Variants in TFB1M observed in about 807,000 individuals in gnomAD.
The protein encoded by TFB1M is dimethyladenosine transferase 1, mitochondrial.
TFB1M carries 27 observed loss-of-function variants against 31.1 expected under a neutral mutation model. The ratio of observed to expected loss-of-function variants is 0.87; its 90% confidence interval spans 0.64 to 1.20. The LOEUF (loss-of-function observed/expected upper bound fraction) is 1.20, where lower values mean the gene tolerates loss of function less well. TFB1M is among the 50% of genes most tolerant of loss of function. TFB1M has a pLI of 0.00. For missense variants in TFB1M, 394 were observed against 418.7 expected (o/e 0.94, Z 0.51); for synonymous variants, 166 against 151.8 (o/e 1.09, Z -0.69).
At chr6:155,297,679 G>T (rs1053056903) in intron 3 of TFB1M, among the ~76,000 whole-genome samples, 4 of 152,184 alleles carry the variant, frequency 2.6e-5, no homozygotes, top group Non-Finnish European at 4.4e-5. Context: ...GGAGGGGCTG[G>T]TATCAGGGAG....
At chr6:155,275,225 C>CA (rs1583329185) in intron 5 of TFB1M, among the ~76,000 whole-genome samples, 1 of 151,174 alleles carries the variant, frequency 6.6e-6, no homozygotes, top group African/African-American at 2.4e-5. Flanking sequence ...GACTCCATCT[C>CA]AAAAAAAATA....
intron 5 of TFB1M, among the ~76,000 whole-genome samples, chr6:155,268,031 T>C (rs967545030): frequency 6.6e-6 from 1 of 152,234 alleles, no homozygotes; most frequent in Non-Finnish European, 1.5e-5. Context: ...AATTTTGGGT[T>C]CTTTTTACAG....
chr6:155,290,453 A>C (rs1442082377), intron 4 of TFB1M, among the ~76,000 whole-genome samples: 4 of 152,002 alleles, frequency 2.6e-5, no homozygotes, highest in South Asian at 4.2e-4. Context: ...TCTCCCACTG[A>C]AACTTTCACT....
chr6:155,266,499 CA>C (rs1247689913), intron 5 of TFB1M, among the ~76,000 whole-genome samples: 3 of 152,096 alleles, frequency 2.0e-5, no homozygotes, highest in Non-Finnish European at 2.9e-5. Flanking sequence ...TACAGCTCAC[CA>C]GGGGGGATGA....
At chr6:155,252,922 T>C, downstream of TFB1M, 1 of 1,600,338 alleles carries the variant, frequency 6.2e-7, no homozygotes, top group Middle Eastern at 1.7e-4. Flanking sequence ...CCCTAACACT[T>C]TTCTTGGTGG....
intron 4 of TFB1M, among the ~76,000 whole-genome samples, chr6:155,295,879 C>G (rs893087053): frequency 3.3e-5 from 5 of 152,086 alleles, no homozygotes; most frequent in African/African-American, 9.7e-5. Flanking sequence ...GGATGATATG[C>G]ACAGGTTATA....
intron 5 of TFB1M, among the ~76,000 whole-genome samples, chr6:155,269,304 G>GTTTTC (rs200492642): frequency 3.8e-5 from 5 of 130,190 alleles, no homozygotes; most frequent in Non-Finnish European, 6.4e-5. Context: ...CTGTAGCTTA[G>GTTTTC]TTTTCTTTTC....
chr6:155,292,619 C>A (rs960545462), intron 4 of TFB1M, among the ~76,000 whole-genome samples: 7 of 151,888 alleles, frequency 4.6e-5, no homozygotes, highest in African/African-American at 1.7e-4. Context: ...CACAACAAAC[C>A]CAACACTCAA....
chr6:155,282,856 T>C (rs1428202141), intron 5 of TFB1M, among the ~76,000 whole-genome samples: 3 of 151,876 alleles, frequency 2.0e-5, no homozygotes, highest in Non-Finnish European at 2.9e-5. Context: ...GCCTCCTGAG[T>C]AGCTGGGACT....
rs115986237 is a variant in TFB1M at position 155,281,915 on chromosome 6, G to A, written c.666+3243C>T. Among the ~76,000 whole-genome samples the A allele has an allele frequency of 7.3e-3, 1,115 of 151,952 alleles. 13 individuals are homozygous for A. Among genetic ancestry groups the A allele is most frequent in the African/African-American group, 0.026 (1,059 of 41,426 alleles). On this transcript the variant is annotated intron_variant, in intron 5 of 6. Coordinates refer to ENST00000367166, the MANE Select transcript of TFB1M (RefSeq NM_016020.4). ...GAGTAGCTGAAAAAAAAGATTAAGC[G>A]TGGAACCCCAGAAATATGTGGATTC...
At chr6:155,264,717 G>A (rs1784541960) in intron 5 of TFB1M, among the ~76,000 whole-genome samples, 1 of 152,132 alleles carries the variant, frequency 6.6e-6, no homozygotes, top group Non-Finnish European at 1.5e-5. Flanking sequence ...AGATGTGGTA[G>A]GAAGAACTGA....
chr6:155,245,592 T>C, the TFB1M span: 1 of 1,564,728 alleles, frequency 6.4e-7, no homozygotes, highest in Non-Finnish European at 8.8e-7. Context: ...TTAAACCATG[T>C]CTGATTTGAC....
At chr6:155,276,176 C>T (rs200032175) in intron 5 of TFB1M, 4 of 1,614,022 alleles carry the variant, frequency 2.5e-6, no homozygotes, top group Non-Finnish European at 3.4e-6. Flanking sequence ...TCTGACAGTT[C>T]CAGAAAGCAA....
the TFB1M span, among the ~76,000 whole-genome samples, chr6:155,239,443 G>A: frequency 2.0e-5 from 3 of 152,222 alleles, no homozygotes; most frequent in East Asian, 5.8e-4. Context: ...TGGTGAAGTG[G>A]GGTGGAGATG....
At chr6:155,252,129 C>A, downstream of TFB1M, 1 of 682,698 alleles carries the variant, frequency 1.5e-6, no homozygotes, top group Non-Finnish European at 2.5e-6. Flanking sequence ...CTGAGGGTAA[C>A]TAACCCCATC....
intron 5 of TFB1M, among the ~76,000 whole-genome samples, chr6:155,283,180 C>A (rs324353): frequency 6.6e-6 from 1 of 151,914 alleles, no homozygotes; most frequent in African/African-American, 2.4e-5. Context: ...CCTGTAATCC[C>A]GGCACTTTGG....
Position 155,257,901 on chromosome 6 carries a change from G to GTTC in TFB1M, c.973_975dup (p.Glu325dup), listed in dbSNP as rs753597118. On this transcript the variant is annotated inframe_insertion, in exon 7 of 7. Transcript: ENST00000367166. ...TCATTTTTGCTTTTTCTTCGCTTGAGTTCTTCTCTGAAATTATATGCAAAG... is the reference window on the plus strand; with the variant it reads ...TCATTTTTGCTTTTTCTTCGCTTGAGTTCTTCTTCTCTGAAATTATATGCAAAG... 5.6e-6 allele frequency: 9 copies of GTTC among 1,614,034 alleles called. No homozygotes were observed. Among genetic ancestry groups the GTTC allele is most frequent in the South Asian group, 1.1e-5 (1 of 91,082 alleles).
intron 5 of TFB1M, among the ~76,000 whole-genome samples, chr6:155,265,621 A>G (rs796210097): frequency 1.9e-4 from 28 of 150,490 alleles, no homozygotes; most frequent in African/African-American, 6.3e-4. Context: ...ATGGAAAGCA[A>G]AGAAGAAAAA....
intron 4 of TFB1M, among the ~76,000 whole-genome samples, chr6:155,296,176 T>A (rs1022733811): frequency 4.6e-5 from 7 of 152,048 alleles, no homozygotes; most frequent in African/African-American, 1.7e-4. Context: ...TTCACTGAGG[T>A]GAGGGAGGAA....
Sources: allele counts gnomAD v4.1 joint callset (sites outside exome capture counted in the v4.1 genomes callset), GRCh38; gene constraint gnomAD v4.1.1; transcripts MANE v1.5; gene names NCBI Gene and HGNC (gene_info 2026-07-23, HGNC 2026-07-21).